Variants in AIDA observed in about 807,000 individuals in gnomAD.
AIDA encodes axin interactor, dorsalization associated, also known as axin interactor, dorsalization-associated protein.
A neutral mutation model predicts 42.7 loss-of-function variants in AIDA; 18 were observed. The ratio of observed to expected loss-of-function variants is 0.42; its 90% CI spans 0.29 to 0.63. The LOEUF (loss-of-function observed/expected upper bound fraction) is 0.63. Among genes scored for constraint, AIDA ranks in the 20% least tolerant of loss-of-function variants. The pLI, the probability that AIDA is intolerant of heterozygous loss-of-function variation, is 0.19. For missense variants in AIDA, 250 were observed against 354.1 expected (o/e 0.71, Z 2.36); for synonymous variants, 104 against 122.9 (o/e 0.85, Z 1.02).
intron 6 of AIDA, among the ~76,000 whole-genome samples, chr1:222,680,660 G>C (rs2124952564): frequency 6.6e-6 from 1 of 152,214 alleles, no homozygotes; most frequent in South Asian, 2.1e-4. Context: ...TATCAATGCA[G>C]CAATGGATCC....
chr1:222,686,926 C>T lies in AIDA; in HGVS notation c.460+4G>A. On this transcript the variant is annotated splice_donor_region_variant and intron_variant, in intron 6 of 9. Transcript: ENST00000340020. ...AATGTTTATTTTTAATAAGTGATAC[C>T]TACCGGGAACTCTAGCAGGAAAAGA... The T allele has an allele frequency of 1.2e-6, 2 of 1,612,710 alleles. No individual in the cohort carries two copies. Among genetic ancestry groups the T allele is most frequent in the Middle Eastern group, 1.7e-4 (1 of 5,966 alleles).
At chr1:222,696,468 T>C (rs778935111) in intron 2 of AIDA, among the ~76,000 whole-genome samples, 15 of 152,206 alleles carry the variant, frequency 9.9e-5, no homozygotes, top group Non-Finnish European at 1.8e-4. Context: ...ATGAGTTAGA[T>C]AAAACCATTT....
intron 4 of AIDA, among the ~76,000 whole-genome samples, chr1:222,692,524 GAA>G (rs553457147): frequency 1.2e-4 from 19 of 152,148 alleles, no homozygotes; most frequent in Non-Finnish European, 2.5e-4. Context: ...TTAATTATGA[GAA>G]GTTTCCCTGA....
chr1:222,684,022 C>T (rs1664697816), intron 6 of AIDA, among the ~76,000 whole-genome samples: 1 of 152,062 alleles, frequency 6.6e-6, no homozygotes, highest in Non-Finnish European at 1.5e-5. Flanking sequence ...TACCATACAT[C>T]ATACCCTCAC....
intron 8 of AIDA, among the ~76,000 whole-genome samples, chr1:222,672,925 A>AAGTTAAGTT (rs1305558181): frequency 1.3e-5 from 2 of 151,664 alleles, no homozygotes; most frequent in African/African-American, 4.8e-5. Flanking sequence ...AATTAACTGC[A>AAGTTAAGTT]AGTTAAGTTA....
chr1:222,684,340 G>A (rs980621103), intron 6 of AIDA, among the ~76,000 whole-genome samples: 1 of 152,044 alleles, frequency 6.6e-6, no homozygotes, highest in Non-Finnish European at 1.5e-5. Context: ...TCGAACTCCT[G>A]ACCTCAGGTG....
At chr1:222,706,141 C>T (rs747333854) in intron 1 of AIDA, among the ~76,000 whole-genome samples, 10 of 152,204 alleles carry the variant, frequency 6.6e-5, no homozygotes, top group Non-Finnish European at 1.3e-4. Context: ...ATTATACACC[C>T]GCTAGAATGG....
At chr1:222,696,572 G>A (rs1655526745) in intron 2 of AIDA, among the ~76,000 whole-genome samples, 2 of 152,206 alleles carry the variant, frequency 1.3e-5, no homozygotes, top group Non-Finnish European at 2.9e-5. Flanking sequence ...GACCAACCCT[G>A]CTTAGCTTCT....
At chr1:222,689,613 A>T (rs956248971) in intron 4 of AIDA, among the ~76,000 whole-genome samples, 3 of 144,862 alleles carry the variant, frequency 2.1e-5, no homozygotes, top group Non-Finnish European at 3.0e-5. Flanking sequence ...ACACACACAC[A>T]CACGTATATA....
intron 1 of AIDA, among the ~76,000 whole-genome samples, chr1:222,708,431 G>T (rs113197525): frequency 8.0e-5 from 12 of 149,268 alleles, no homozygotes; most frequent in African/African-American, 2.9e-4. Flanking sequence ...GCAGTGGCAC[G>T]ATCTCCCCTC....
chr1:222,699,111 C>G (rs1488361357), intron 2 of AIDA, among the ~76,000 whole-genome samples: 1 of 152,226 alleles, frequency 6.6e-6, no homozygotes, highest in African/African-American at 2.4e-5. Flanking sequence ...AGGTGTGAGA[C>G]ACCCCGTCTG....
At chr1:222,671,592 A>G (rs1429075858) in intron 8 of AIDA, among the ~76,000 whole-genome samples, 17 of 152,208 alleles carry the variant, frequency 1.1e-4, no homozygotes, top group African/African-American at 4.1e-4. Context: ...TCACATGGCA[A>G]GGGAGGAAAA....
chr1:222,704,775 G>A (rs1176442254), intron 1 of AIDA, among the ~76,000 whole-genome samples: 3 of 152,098 alleles, frequency 2.0e-5, no homozygotes, highest in Non-Finnish European at 2.9e-5. Context: ...GGAATTGTAC[G>A]CTTTAAACTG....
chr1:222,682,783 A>G (rs920876625), intron 6 of AIDA, among the ~76,000 whole-genome samples: 6 of 152,192 alleles, frequency 3.9e-5, no homozygotes, highest in African/African-American at 1.4e-4. Flanking sequence ...TTATTTTGAG[A>G]TAATTTTTAA....
chr1:222,679,823 C>T (rs745404454), intron 6 of AIDA, among the ~76,000 whole-genome samples: 6 of 152,140 alleles, frequency 3.9e-5, no homozygotes, highest in African/African-American at 7.2e-5. Flanking sequence ...TCTCTGTTGC[C>T]GTGTAATGTA....
At chr1:222,710,084 GT>G (rs1369650350) in intron 1 of AIDA, among the ~76,000 whole-genome samples, 1 of 152,082 alleles carries the variant, frequency 6.6e-6, no homozygotes, top group Non-Finnish European at 1.5e-5. Flanking sequence ...GTCAATTCTT[GT>G]TTACATCATT....
At chr1:222,687,172 G>A in intron 5 of AIDA, 136 bp from the exon 6 acceptor site, 3 of 1,404,818 alleles carry the variant, frequency 2.1e-6, no homozygotes, top group Middle Eastern at 1.8e-4. Context: ...GCTCATGCTT[G>A]TAATCCTAGC....
chr1:222,703,123 A>C, intron 2 of AIDA, 25 bp downstream of exon 2: 1 of 1,556,550 alleles, frequency 6.4e-7, no homozygotes, highest in Non-Finnish European at 8.7e-7. Context: ...GGAATCTGAT[A>C]TATCTAGAGA....
chr1:222,670,752 T>C (rs1289804634), intron 8 of AIDA, among the ~76,000 whole-genome samples: 1 of 152,236 alleles, frequency 6.6e-6, no homozygotes, highest in Non-Finnish European at 1.5e-5. Context: ...CTGGCTCAGC[T>C]GGAAAATGTT....
Sources: gnomAD v4.1 joint callset for allele counts (sites outside exome capture counted in the v4.1 genomes callset) on GRCh38, gnomAD v4.1.1 for gene constraint, MANE v1.5 for transcripts, NCBI Gene and HGNC (gene_info 2026-07-23, HGNC 2026-07-21) for gene names.